The following ACLY variants were observed in gnomAD, a reference collection of about 807,000 sequenced individuals.
The protein encoded by ACLY is ATP citrate lyase, also known as ATP-citrate synthase.
In ACLY, 41 loss-of-function variants were observed where a neutral mutation model predicts 133.0. The observed-to-expected ratio is 0.31, with a 90% CI of 0.24 to 0.40. ACLY has a LOEUF of 0.40. ACLY is among the 10% of genes least tolerant of loss of function. The pLI is 1.00. For synonymous variants in ACLY, 495 were observed against 549.3 expected (o/e 0.90, Z 1.38); for missense variants, 1,046 against 1,453.8 (o/e 0.72, Z 4.56).
rs1555624631 is a variant in ACLY, at chr17:41,869,460, TTTTTC to T, written c.3051+9_3051+13del. ...GTCCAACGTGAGGGAATTAGGAAGT[TTTTTC>T]TTTGTTACCTTCGAGGTGGTAATCT... On this transcript the variant is annotated intron_variant, in intron 26 of 28. Transcript: ENST00000352035. 2.5e-6 allele frequency: 4 copies of T among 1,606,880 alleles called. No individual in the cohort carries two copies. In the African/African-American group the frequency reaches 5.3e-5, roughly 21 times the overall value.
chr17:41,892,263 G>A lies in ACLY; in HGVS notation c.1770+16C>T. ...CATGGTCCCCACCCCCCACCCTCCA[G>A]AGCCCAGTGATCTACCTGGGCATAG... On this transcript the variant is annotated intron_variant, in intron 16 of 28. Coordinates refer to ENST00000352035, the MANE Select transcript of ACLY (RefSeq NM_001096.3). 4.2e-6 allele frequency: 4 copies of A among 951,602 alleles called. No homozygotes were observed. The highest frequency in any genetic ancestry group is 5.8e-6 in the Non-Finnish European group (4 of 695,276). The allele number at this position is 951,602 out of a possible 1,614,324, so 58.9% of individuals were successfully genotyped here.
In ACLY at chr17:41,912,424, G is replaced by C; in HGVS notation, c.278C>G (p.Ala93Gly). ...CCTGACCCCATGCCCACTCACTGTG[G>C]CTTCCTGTCCCAGCCGTGGCTTCAG... ...SWLKPRLGQE[A>G]TVGKATGFLK... The change falls in exon 3 of 29, where the codon GCC becomes GGC. Residue 93 changes from alanine to glycine, a missense_variant. Physicochemically the swap from Ala to Gly is moderately conservative, Grantham distance 60. Transcript: ENST00000352035. The C allele has an allele frequency of 6.2e-7, 1 of 1,614,038 alleles. No homozygotes were observed. The highest frequency in any genetic ancestry group is 2.2e-5 in the East Asian group (1 of 44,880).
rs782552134 is a variant in ACLY, at chr17:41,904,806, G to C, written c.1004-16C>G. 5 of 1,612,266 alleles carry C rather than the reference G, an allele frequency of 3.1e-6. No individual in the cohort carries two copies. Reference sequence around the variant, plus strand: ...AGGATCTTGCCTGGATTTGGAGTAAGAGAGAATCAAAAACAGTTACATAGG... The same window carrying C: ...AGGATCTTGCCTGGATTTGGAGTAACAGAGAATCAAAAACAGTTACATAGG... On this transcript the variant is annotated splice_polypyrimidine_tract_variant and intron_variant, in intron 9 of 28. Coordinates refer to ENST00000352035, the MANE Select transcript of ACLY (RefSeq NM_001096.3).
At chr17:41,904,058 A>C (rs1414225484) in intron 10 of ACLY, among the ~76,000 whole-genome samples, 1 of 151,242 alleles carries the variant, frequency 6.6e-6, no homozygotes, top group Non-Finnish European at 1.5e-5. Context: ...CAGAGGCTGT[A>C]GTGAGCTGAG....
At chr17:41,883,344 T>G (rs2144264881) in intron 19 of ACLY, 112 bp from the exon 20 acceptor site, 1 of 819,144 alleles carries the variant, frequency 1.2e-6, no homozygotes, top group East Asian at 2.6e-5. Flanking sequence ...AGGAGTTTAA[T>G]TTCAGCCTGG....
At chr17:41,878,224 AT>A in intron 21 of ACLY, 28 bp from the exon 22 acceptor site, 2 of 1,499,624 alleles carry the variant, frequency 1.3e-6, no homozygotes, top group African/African-American at 2.9e-5. Context: ...AAAGACATCC[AT>A]GTGGATTTTC....
At chr17:41,924,801 A>G (rs1247898063) in intron 1 of ACLY, among the ~76,000 whole-genome samples, 3 of 152,052 alleles carry the variant, frequency 2.0e-5, no homozygotes, top group African/African-American at 4.8e-5. Context: ...CTCAGGGAAT[A>G]AAGTTTCTCC....
In ACLY at chr17:41,912,502, C is replaced by A; in HGVS notation, c.200G>T (p.Gly67Val). Residue 67 changes from glycine to valine, a missense_variant, in exon 3 of 29, where the codon GGA becomes GTA. By Grantham distance (109) the Gly-to-Val change is moderately radical. Around this residue, in one of 4 missense-constraint regions of ACLY, gnomAD observed 227 missense variants for 245.6 expected, o/e 0.92. Transcript: ENST00000352035. ...GTTGACCCCAACGAGACCAAGTTTT[C>A]CACGACGTTTGATCAGCTGGTCTGG... ...VKPDQLIKRR[G>V]KLGLVGVNLT... 11 of 1,614,206 alleles carry A rather than the reference C, an allele frequency of 6.8e-6. No individual in the cohort carries two copies. The highest frequency in any genetic ancestry group is 9.3e-6 in the Non-Finnish European group (11 of 1,180,038).
chr17:41,916,825 G>A (rs943723186), intron 1 of ACLY, among the ~76,000 whole-genome samples: 3 of 152,012 alleles, frequency 2.0e-5, no homozygotes, highest in Non-Finnish European at 4.4e-5. Context: ...ACAATGATCC[G>A]ATGGCCCACA....
intron 13 of ACLY, 78 bp downstream of exon 13, chr17:41,897,671 G>A (rs2049409715): frequency 7.3e-7 from 1 of 1,377,516 alleles, no homozygotes; most frequent in Non-Finnish European, 9.9e-7. Flanking sequence ...GCCCAGGGGG[G>A]AAAGGGAAAG....
intron 1 of ACLY, among the ~76,000 whole-genome samples, chr17:41,925,871 G>GAA (rs2050237616): frequency 6.6e-6 from 1 of 151,318 alleles, no homozygotes; most frequent in Admixed American, 6.6e-5. Context: ...TTGAGAGAGA[G>GAA]TCTTGCTCTG....
intron 2 of ACLY, 109 bp from the exon 3 acceptor site, chr17:41,912,651 C>G (rs1555633876): frequency 1.5e-6 from 2 of 1,351,806 alleles, no homozygotes; most frequent in Middle Eastern, 1.8e-4. Flanking sequence ...TCACTCTGCT[C>G]CAAAGCCAGC....
At chr17:41,871,034 G>A (rs532059462) in intron 25 of ACLY, among the ~76,000 whole-genome samples, 42 of 152,230 alleles carry the variant, frequency 2.8e-4, no homozygotes, top group Non-Finnish European at 2.1e-4. Context: ...CTGTTACTGC[G>A]GAATGAGGTA....
intron 22 of ACLY, 48 bp from the exon 23 acceptor site, chr17:41,874,013 A>T (rs782488395): frequency 2.2e-5 from 33 of 1,533,682 alleles, no homozygotes; most frequent in Non-Finnish European, 2.6e-5. Flanking sequence ...TGACCACCAC[A>T]GATTTTTCCA....
intron 6 of ACLY, 63 bp from the exon 7 acceptor site, chr17:41,907,635 C>T: frequency 6.3e-7 from 1 of 1,581,184 alleles, no homozygotes; most frequent in Non-Finnish European, 8.7e-7. Context: ...CACCAACCTC[C>T]AACCCCTCCA....
intron 3 of ACLY, among the ~76,000 whole-genome samples, chr17:41,910,673 C>T (rs4796739): frequency 0.19 from 28,448 of 152,158 alleles, 3,529 homozygotes; most frequent in East Asian, 0.34. Flanking sequence ...CACAGTGACT[C>T]AGCCTCAGGA....
In ACLY at chr17:41,896,615, C is replaced by G. The variant is rs1555630438; in HGVS notation, c.1459+5G>C. On this transcript the variant is annotated splice_donor_5th_base_variant and intron_variant, in intron 14 of 28. Transcript: ENST00000352035. Reference sequence around the variant, plus strand: ...CGGAGTGGGGGCAGGGTGGGGGCATCCTACCTTGCAGGGATCTTGGACTTG... The same window carrying G: ...CGGAGTGGGGGCAGGGTGGGGGCATGCTACCTTGCAGGGATCTTGGACTTG... The G allele has an allele frequency of 6.4e-7, 1 of 1,561,048 alleles. No homozygotes were observed. The highest frequency in any genetic ancestry group is 8.7e-7 in the Non-Finnish European group (1 of 1,152,806).
chr17:41,879,185 T>C (rs2048839376), intron 20 of ACLY, among the ~76,000 whole-genome samples: 1 of 151,968 alleles, frequency 6.6e-6, no homozygotes, highest in African/African-American at 2.4e-5. Context: ...CAGAATCACC[T>C]TCCTCTGCCT....
chr17:41,885,286 C>G (rs1243484787), intron 18 of ACLY, among the ~76,000 whole-genome samples: 1 of 152,124 alleles, frequency 6.6e-6, no homozygotes, highest in African/African-American at 2.4e-5. Context: ...TACCCAAGGA[C>G]TGGGGATTCC....
Sources: allele counts gnomAD v4.1 joint callset (sites outside exome capture counted in the v4.1 genomes callset), GRCh38; gene constraint gnomAD v4.1.1; regional missense constraint gnomAD v4.1.1; transcripts MANE v1.5; gene names NCBI Gene and HGNC (gene_info 2026-07-23, HGNC 2026-07-21).